Variants in ACACB observed in about 807,000 individuals in gnomAD.
ACACB encodes acetyl-CoA carboxylase beta.
In ACACB, 209 loss-of-function variants were observed where a neutral mutation model predicts 278.8. The observed-to-expected ratio is 0.75, with a 90% CI of 0.67 to 0.84. The LOEUF is 0.84. ACACB is among the 40% of genes least tolerant of loss of function. The pLI is 0.00. For synonymous variants in ACACB, 1,174 were observed against 1,285.6 expected, an observed-to-expected ratio of 0.91 and a Z score of 1.86; for missense variants, 2,850 against 3,269.0, an observed-to-expected ratio of 0.87 and a Z score of 3.13.
Position 109,256,175 on chromosome 12 carries a change from C to T in ACACB, c.6202C>T (p.His2068Tyr), listed in dbSNP as rs1381592318. 6.2e-7 allele frequency: 1 copy of T among 1,613,796 alleles called. No homozygotes were observed. Among genetic ancestry groups the T allele is most frequent in the Non-Finnish European group, 8.5e-7 (1 of 1,179,918 alleles). Residue 2068 changes from histidine (H) to tyrosine (Y), a missense_variant, in exon 45 of 53, where the codon CAC becomes TAC. Physicochemically the swap from His to Tyr is moderately conservative, Grantham distance 83 (BLOSUM62 2). Around this residue, in one of 3 missense-constraint regions of ACACB, gnomAD observed 579 missense variants for 684.6 expected, o/e 0.85. Transcript: ENST00000338432. ...KGTWQSGFFDHGSFKEIMAPW... is the reference protein window; with the variant it reads ...KGTWQSGFFDYGSFKEIMAPW... ...AACGTGGCAGAGCGGATTCTTTGAC[C>T]ACGGCAGTTTCAAGGAAATCATGGC... is the stretch of plus-strand genomic sequence containing the variant.
At chr12:109,121,977 G>T (rs1006656381) in intron 1 of ACACB, among the ~76,000 whole-genome samples, 2 of 152,178 alleles carry the variant, frequency 1.3e-5, no homozygotes, top group African/African-American at 2.4e-5. Context: ...TTGAGGTGGG[G>T]ACACTGAAGC....
At chr12:109,188,433 C>CCT in intron 13 of ACACB, among the ~76,000 whole-genome samples, 2 of 142,504 alleles carry the variant, frequency 1.4e-5, no homozygotes, top group African/African-American at 5.3e-5. Flanking sequence ...GTCCTTCCTC[C>CCT]TCCCCTTCCC....
At chr12:109,224,592 C>T (rs1351083679) in intron 27 of ACACB, among the ~76,000 whole-genome samples, 1 of 151,866 alleles carries the variant, frequency 6.6e-6, no homozygotes, top group East Asian at 1.9e-4. Context: ...AGTGCAGTGG[C>T]ACTATCTCGG....
At chr12:109,173,593 A>G (rs1045881986) in intron 6 of ACACB, among the ~76,000 whole-genome samples, 1 of 152,204 alleles carries the variant, frequency 6.6e-6, no homozygotes, top group Admixed American at 6.5e-5. Context: ...TGGACAAACT[A>G]CAGCTCATAG....
chr12:109,234,503 T>C (rs1379075874), intron 31 of ACACB, among the ~76,000 whole-genome samples: 1 of 152,190 alleles, frequency 6.6e-6, no homozygotes, highest in African/African-American at 2.4e-5. Context: ...AAAAAAATTA[T>C]ATATATTTAC....
chr12:109,215,607 C>CA (rs1337719333), intron 22 of ACACB, among the ~76,000 whole-genome samples: 4 of 151,840 alleles, frequency 2.6e-5, no homozygotes, highest in Non-Finnish European at 4.4e-5. Context: ...ACTAAAAATA[C>CA]AAAAAAATTA....
intron 13 of ACACB, among the ~76,000 whole-genome samples, chr12:109,190,048 T>C (rs2044811032): frequency 6.6e-6 from 1 of 151,820 alleles, no homozygotes; most frequent in South Asian, 2.1e-4. Context: ...GAGATGGAGG[T>C]TGCAGTGAGC....
chr12:109,180,140 C>T, intron 11 of ACACB, 53 bp downstream of exon 11: 1 of 1,573,254 alleles, frequency 6.4e-7, no homozygotes, highest in South Asian at 1.1e-5. Context: ...GTCAGGGGTC[C>T]ATGTGCTGCT....
At position 109,264,277 on chromosome 12, in the gene ACACB, G is replaced by A. The variant is rs762817382; in HGVS notation, c.6833G>A (p.Arg2278Gln). ...AAGGACCGAAAGGACCTGGAGGGCC[G>A]GCTAAAGGCTCGCGAGGACCTGCTG... ...SDKDRKDLEG[R>Q]LKAREDLLLP... is the part of the protein sequence containing the mutation. Residue 2278 changes from arginine to glutamine, a missense_variant, in exon 50 of 53, where the codon CGG becomes CAG. This residue lies in a region of ACACB where 579 missense variants were observed against 684.6 expected (regional missense o/e 0.85). Coordinates refer to ENST00000338432, the MANE Select transcript of ACACB (RefSeq NM_001093.4). The A allele has an allele frequency of 2.5e-5, 41 of 1,614,148 alleles. No homozygotes were observed. Among genetic ancestry groups the A allele is most frequent in the East Asian group, 1.6e-4 (7 of 44,872 alleles).
chr12:109,241,416 C>A, intron 36 of ACACB, 135 bp downstream of exon 36: 1 of 836,384 alleles, frequency 1.2e-6, no homozygotes, highest in African/African-American at 1.7e-5. Flanking sequence ...TGGGGTAGCC[C>A]CCTCTGAGTG....
At chr12:109,249,281 G>A (rs114574912) in intron 40 of ACACB, 5 of 152,118 alleles carry the variant, frequency 3.3e-5, no homozygotes, top group Non-Finnish European at 7.4e-5. Context: ...TTCTTCCTGC[G>A]CTCAGTAAGT....
At chr12:109,165,562 CTAAG>C (rs779834506) in intron 2 of ACACB, among the ~76,000 whole-genome samples, 8 of 151,648 alleles carry the variant, frequency 5.3e-5, no homozygotes, top group Non-Finnish European at 1.2e-4. Context: ...ACAAGGAACA[CTAAG>C]TAAAGGAAAA....
chr12:109,202,767 C>G (rs2136342369), intron 19 of ACACB, among the ~76,000 whole-genome samples: 1 of 152,140 alleles, frequency 6.6e-6, no homozygotes, highest in East Asian at 1.9e-4. Flanking sequence ...ACTATTATTG[C>G]AATAATATGG....
At chr12:109,140,332 TTCCTTCCTTCCTTCC>T (rs1565857753) in intron 2 of ACACB, among the ~76,000 whole-genome samples, 8,521 of 125,234 alleles carry the variant, frequency 0.068, 724 homozygotes, top group East Asian at 0.16. Context: ...CCTTCCTTCC[TTCCTTCCTTCCTTCC>T]TTCCCTCCTT....
At chr12:109,193,786 T>C in intron 16 of ACACB, 57 bp downstream of exon 16, 1 of 1,475,164 alleles carries the variant, frequency 6.8e-7, no homozygotes. Context: ...TCAGGGAGTT[T>C]CTTTCTTCCA....
chr12:109,260,728 G>A, intron 48 of ACACB, 71 bp downstream of exon 48: 2 of 1,395,298 alleles, frequency 1.4e-6, no homozygotes, highest in Non-Finnish European at 1.9e-6. Context: ...ATGACCTTGG[G>A]AGATCATGGA....
At chr12:109,170,999 G>T (rs937112602) in intron 4 of ACACB, among the ~76,000 whole-genome samples, 2 of 147,384 alleles carry the variant, frequency 1.4e-5, no homozygotes, top group Non-Finnish European at 1.5e-5. Flanking sequence ...ACCATTCCTG[G>T]CTACTTTTTT....
chr12:109,235,003 A>G (rs937734128), intron 31 of ACACB, among the ~76,000 whole-genome samples: 1 of 152,026 alleles, frequency 6.6e-6, no homozygotes, highest in African/African-American at 2.4e-5. Context: ...ACCAGAATCA[A>G]TTTTAGGACA....
intron 21 of ACACB, 133 bp downstream of exon 21, chr12:109,209,486 C>T (rs781541251): frequency 3.4e-6 from 3 of 888,098 alleles, no homozygotes; most frequent in South Asian, 1.8e-5. Context: ...TATCAGGGGC[C>T]GAGGGTTTCC....
Sources: allele counts gnomAD v4.1 joint callset (sites outside exome capture counted in the v4.1 genomes callset), GRCh38; gene constraint gnomAD v4.1.1; regional missense constraint gnomAD v4.1.1; transcripts MANE v1.5; gene names NCBI Gene and HGNC (gene_info 2026-07-23, HGNC 2026-07-21).